MTOR: variants seen among roughly 807,000 people sequenced by gnomAD.
MTOR encodes the protein mechanistic target of rapamycin kinase, also known as serine/threonine-protein kinase mTOR.
Under a neutral mutation model 319.8 loss-of-function variants are expected in MTOR, and 70 were observed. That is an observed-to-expected ratio of 0.22 (90% CI 0.18 to 0.27). The LOEUF (loss-of-function observed/expected upper bound fraction) is 0.27, where lower values mean the gene tolerates loss of function less well. MTOR is among the 10% of genes least tolerant of loss of function. The pLI, the probability that MTOR is intolerant of heterozygous loss-of-function variation, is 1.00. For missense variants in MTOR, 1,890 were observed against 3,274.4 expected, an observed-to-expected ratio of 0.58 and a Z score of 10.32; for synonymous variants, 1,183 against 1,211.4, an observed-to-expected ratio of 0.98 and a Z score of 0.49.
intron 28 of MTOR, among the ~76,000 whole-genome samples, chr1:11,179,485 C>T (rs1183172220): frequency 6.6e-6 from 1 of 152,206 alleles, no homozygotes; most frequent in East Asian, 1.9e-4. Flanking sequence ...AAGTTTCTCC[C>T]CTTAGAAGGG....
chr1:11,160,226 G>A (rs1414051335), intron 29 of MTOR, among the ~76,000 whole-genome samples: 2 of 151,906 alleles, frequency 1.3e-5, no homozygotes, highest in African/African-American at 4.8e-5. Flanking sequence ...TCAGCCTCCC[G>A]AGTAGCTGTG....
rs1027809812 is a variant in MTOR, at chr1:11,115,813, C to T, written c.7017-345G>A. The T allele has an allele frequency of 4.1e-5, 11 of 271,096 alleles. No individual in the cohort carries two copies. Among genetic ancestry groups the T allele is most frequent in the South Asian group, 1.0e-4 (2 of 19,164 alleles). 16.8% of individuals were successfully genotyped at this position (271,096 alleles called of 1,614,324 possible). On this transcript the variant is annotated intron_variant, in intron 50 of 57. Transcript: ENST00000361445. This position sits in a 1 kb window ranked among gnomAD's most constrained non-coding sequence, Gnocchi z 4.5. ...GGCTTATGTGTGAATCACAGGTTGT[C>T]CCACTGTACTGAGATACTGTGCTTT...
chr1:11,138,209 G>T (rs2100470624), intron 36 of MTOR, among the ~76,000 whole-genome samples: 1 of 152,358 alleles, frequency 6.6e-6, no homozygotes, highest in South Asian at 2.1e-4. Context: ...ACTATACTCA[G>T]ATCCAGCACC....
chr1:11,182,438 T>C (rs1251932259), intron 28 of MTOR, among the ~76,000 whole-genome samples: 3 of 152,256 alleles, frequency 2.0e-5, no homozygotes, highest in Admixed American at 6.5e-5. Flanking sequence ...ACGTTGACTA[T>C]GTGTCAGATA....
At chr1:11,108,943 G>C (rs1641718454) in intron 56 of MTOR, among the ~76,000 whole-genome samples, 1 of 151,998 alleles carries the variant, frequency 6.6e-6, no homozygotes, top group Non-Finnish European at 1.5e-5. Context: ...AGCCAAGATG[G>C]AGCCACTGAA....
rs2100915238 is a variant in MTOR, at chr1:11,241,644, T to A, written c.1450A>T (p.Thr484Ser). The A allele has an allele frequency of 6.2e-7, 1 of 1,614,020 alleles. No homozygotes were observed. The highest frequency in any genetic ancestry group is 2.2e-5 in the East Asian group (1 of 44,874). The change falls in exon 10 of 58, where the codon ACT becomes TCT. Residue 484 changes from threonine to serine, a missense_variant. By Grantham distance (58) the Thr-to-Ser change is moderately conservative. Around this residue, in one of 15 missense-constraint regions of MTOR, gnomAD observed 418 missense variants for 543.1 expected, o/e 0.77. Transcript: ENST00000361445. ...GCTCGAGCCAGCATGCTGATGCAAG[T>A]GAAGACTGTGGCATCCACCTGCATT... ...KAMQVDATVF[T>S]CISMLARAMG...
At chr1:11,181,457 G>A (rs545375287) in intron 28 of MTOR, among the ~76,000 whole-genome samples, 4 of 152,218 alleles carry the variant, frequency 2.6e-5, no homozygotes, top group African/African-American at 7.2e-5. Context: ...TCCAGGAGGC[G>A]GAGGTTGCAC....
At chr1:11,153,507 A>G (rs1644217941) in intron 30 of MTOR, among the ~76,000 whole-genome samples, 1 of 152,256 alleles carries the variant, frequency 6.6e-6, no homozygotes, top group South Asian at 2.1e-4. Flanking sequence ...GAACACTTCC[A>G]TCTCGTTTTA....
intron 2 of MTOR, 61 bp from the exon 3 acceptor site, chr1:11,258,654 T>C (rs1650732973): frequency 1.5e-6 from 2 of 1,295,680 alleles, no homozygotes; most frequent in South Asian, 1.2e-5. Flanking sequence ...GTGGTGGGAG[T>C]GGGCTGGCAT....
In MTOR at chr1:11,241,472, T is replaced by C. The variant is rs1343499690; in HGVS notation, c.1541+81A>G. On this transcript the variant is annotated intron_variant, in intron 10 of 57. Coordinates refer to ENST00000361445, the MANE Select transcript of MTOR (RefSeq NM_004958.4). ...ATCCAGTTGAATGTGCAAACAACCA[T>C]GCCTCATTCTTTTAACAGTCCCAAC... 9.3e-6 allele frequency: 14 copies of C among 1,498,680 alleles called. No individual in the cohort carries two copies. The East Asian group carries it at 2.1e-4, about 22-fold the overall frequency. 92.8% of individuals were successfully genotyped at this position (1,498,680 alleles called of 1,614,324 possible).
chr1:11,152,158 G>A (rs1353106809), intron 30 of MTOR, among the ~76,000 whole-genome samples: 5 of 152,126 alleles, frequency 3.3e-5, no homozygotes, highest in Admixed American at 2.6e-4. Flanking sequence ...AGAATATACC[G>A]AGTCCTACCT....
At chr1:11,217,316 G>A (rs963390194) in intron 19 of MTOR, among the ~76,000 whole-genome samples, 2 of 151,996 alleles carry the variant, frequency 1.3e-5, no homozygotes, top group Non-Finnish European at 2.9e-5. Flanking sequence ...TCAAGATGTA[G>A]GTTTTATTTT....
chr1:11,200,401 T>C (rs906673699), intron 26 of MTOR, among the ~76,000 whole-genome samples: 2 of 152,176 alleles, frequency 1.3e-5, no homozygotes, highest in Non-Finnish European at 2.9e-5. Flanking sequence ...CACAAAGACA[T>C]GGAACCAGAG....
At position 11,112,911 on chromosome 1, in the gene MTOR, G is replaced by A. The variant is rs774670579; in HGVS notation, c.7307C>T (p.Thr2436Ile). 1 of 1,614,100 alleles carries A rather than the reference G, an allele frequency of 6.2e-7. No individual in the cohort carries two copies. Among genetic ancestry groups the A allele is most frequent in the Admixed American group, 1.7e-5 (1 of 60,012 alleles). ...LLNWRLMDTN[T>I]KGNKRSRTRT... is the part of the protein sequence containing the mutation. ...CGTTCGGGATCGCTTGTTGCCTTTG[G>A]TATTTGCTAGGGAGAGAAATAAAGA... is the stretch of plus-strand genomic sequence containing the variant. The change falls in exon 54 of 58, where the codon ACC (threonine) becomes ATC (isoleucine). Residue 2436 changes from threonine to isoleucine, a missense_variant. By Grantham distance (89) the Thr-to-Ile change is moderately conservative. Coordinates refer to ENST00000361445, the MANE Select transcript of MTOR (RefSeq NM_004958.4).
Position 11,209,449 on chromosome 1 carries a change from G to A in MTOR, c.3664C>T (p.Leu1222Phe), listed in dbSNP as rs558998135. Residue 1222 changes from leucine to phenylalanine, a missense_variant, in exon 25 of 58, where the codon CTT becomes TTT. Physicochemically the swap from Leu to Phe is conservative, Grantham distance 22 (BLOSUM62 0). Around this residue, in one of 15 missense-constraint regions of MTOR, gnomAD observed 115 missense variants for 105.7 expected, o/e 1.09. Coordinates refer to ENST00000361445, the MANE Select transcript of MTOR (RefSeq NM_004958.4). ...AAAGGATCCTCCTCTTCATCAGCAAGTGTGTATCCCTACAACCAAAGATTT... is the reference window on the plus strand; with the variant it reads ...AAAGGATCCTCCTCTTCATCAGCAAATGTGTATCCCTACAACCAAAGATTT... ...LICRIVKGYT[L>F]ADEEEDPLIY... is the part of the protein sequence containing the mutation. 6.2e-7 allele frequency: 1 copy of A among 1,614,148 alleles called. No homozygotes were observed. Among genetic ancestry groups the A allele is most frequent in the East Asian group, 2.2e-5 (1 of 44,894 alleles).
At chr1:11,160,224 C>T (rs1442473456) in intron 29 of MTOR, among the ~76,000 whole-genome samples, 3 of 152,010 alleles carry the variant, frequency 2.0e-5, no homozygotes, top group Non-Finnish European at 4.4e-5. Context: ...TTTCAGCCTC[C>T]CGAGTAGCTG....
chr1:11,151,067 C>G (rs532578821), intron 30 of MTOR, among the ~76,000 whole-genome samples: 20 of 152,232 alleles, frequency 1.3e-4, no homozygotes, highest in African/African-American at 3.9e-4. Flanking sequence ...AGGAAGGGCA[C>G]AAGTTCTAAG....
intron 14 of MTOR, 56 bp from the exon 15 acceptor site, chr1:11,233,543 T>C: frequency 7.3e-7 from 1 of 1,368,418 alleles, no homozygotes; most frequent in Non-Finnish European, 1.0e-6. Flanking sequence ...TAGAAACCTT[T>C]CTTTTATATA....
intron 34 of MTOR, 116 bp downstream of exon 34, chr1:11,144,532 G>A (rs1010668946): frequency 5.3e-6 from 4 of 752,864 alleles, no homozygotes; most frequent in African/African-American, 1.7e-5. Flanking sequence ...GCAATACACT[G>A]GTGGAGGAGG....
Sources: gnomAD v4.1 joint callset for allele counts (sites outside exome capture counted in the v4.1 genomes callset) on GRCh38, gnomAD v4.1.1 for gene constraint, gnomAD v4.1.1 regional missense constraint, Gnocchi (gnomAD v3.1) non-coding constraint, MANE v1.5 for transcripts, NCBI Gene and HGNC (gene_info 2026-07-23, HGNC 2026-07-21) for gene names.